Variants in FAT3 observed in about 807,000 individuals in gnomAD.
FAT3 encodes the protein FAT atypical cadherin 3.
Under a neutral mutation model 310.2 loss-of-function variants are expected in FAT3, and 95 were observed. The ratio of observed to expected loss-of-function variants is 0.31; its 90% confidence interval spans 0.26 to 0.36. The LOEUF (loss-of-function observed/expected upper bound fraction) is 0.36. Among genes scored for constraint, FAT3 ranks in the 10% least tolerant of loss-of-function variants. FAT3 has a pLI of 1.00. For synonymous variants in FAT3, 2,314 were observed against 2,192.9 expected, an observed-to-expected ratio of 1.06 and a Z score of -1.54; for missense variants, 5,408 against 5,715.6, an observed-to-expected ratio of 0.95 and a Z score of 1.74.
intron 21 of FAT3, among the ~76,000 whole-genome samples, chr11:92,861,538 A>G (rs1949123592): frequency 6.6e-6 from 1 of 152,222 alleles, no homozygotes; most frequent in Admixed American, 6.5e-5. Flanking sequence ...ATTCTAATAA[A>G]CTAGAGATGG....
intron 4 of FAT3, among the ~76,000 whole-genome samples, chr11:92,725,812 T>C (rs563501129): frequency 2.6e-5 from 4 of 152,298 alleles, no homozygotes; most frequent in Non-Finnish European, 5.9e-5. Context: ...AGAGACTCCT[T>C]TTCTATTGAG....
intron 13 of FAT3, among the ~76,000 whole-genome samples, chr11:92,829,986 G>T (rs1246057095): frequency 4.6e-5 from 7 of 151,824 alleles, no homozygotes; most frequent in Admixed American, 1.3e-4. Context: ...GCCAAATGAG[G>T]TGTTATAATA....
chr11:92,233,802 T>C (rs1479544367), intron 1 of FAT3, among the ~76,000 whole-genome samples: 2 of 152,240 alleles, frequency 1.3e-5, no homozygotes, highest in Admixed American at 6.5e-5. Flanking sequence ...TATACGATAA[T>C]TAGATAATCT....
chr11:92,568,354 A>G (rs1955549759), intron 3 of FAT3, among the ~76,000 whole-genome samples: 1 of 151,502 alleles, frequency 6.6e-6, no homozygotes, highest in African/African-American at 2.4e-5. Context: ...TACCAGGTGC[A>G]ATATTTGTAG....
chr11:92,637,771 A>G (rs1941819557), intron 3 of FAT3, among the ~76,000 whole-genome samples: 1 of 152,180 alleles, frequency 6.6e-6, no homozygotes, highest in Non-Finnish European at 1.5e-5. Flanking sequence ...GCTTTTGAAT[A>G]TGTATCCTAT....
chr11:92,352,912 A>G lies in FAT3; in HGVS notation c.800A>G (p.His267Arg). Reference sequence around the variant, plus strand: ...ATAAATGAACATGCCCCAACAATCCATGTAGTCACTCATGTTCCTTTCTCG... The same window carrying G: ...ATAAATGAACATGCCCCAACAATCCGTGTAGTCACTCATGTTCCTTTCTCG... ...ERINEHAPTI[H>R]VVTHVPFSLE... The change falls in exon 2 of 28, where the codon CAT (histidine) becomes CGT (arginine). Residue 267 changes from histidine to arginine, a missense_variant. His to Arg is a conservative substitution (Grantham distance 29, BLOSUM62 0). Around this residue, in one of 5 missense-constraint regions of FAT3, gnomAD observed 4,588 missense variants for 4,809.8 expected, o/e 0.95. Transcript: ENST00000525166. 1 of 1,613,932 alleles carries G rather than the reference A, an allele frequency of 6.2e-7. No individual in the cohort carries two copies. Among genetic ancestry groups the G allele is most frequent in the East Asian group, 2.2e-5 (1 of 44,874 alleles).
intron 2 of FAT3, among the ~76,000 whole-genome samples, chr11:92,434,251 T>G (rs958744803): frequency 9.9e-5 from 15 of 152,248 alleles, no homozygotes; most frequent in Admixed American, 5.9e-4. Context: ...CAGTGACCCC[T>G]AGCAAGGAGG....
At chr11:92,294,700 A>G (rs1946802869) in intron 1 of FAT3, among the ~76,000 whole-genome samples, 1 of 151,790 alleles carries the variant, frequency 6.6e-6, no homozygotes, top group African/African-American at 2.4e-5. Context: ...TCTATTGAAT[A>G]TCATCATGCT....
intron 1 of FAT3, among the ~76,000 whole-genome samples, chr11:92,293,913 G>C (rs577378164): frequency 1.1e-4 from 16 of 152,174 alleles, no homozygotes; most frequent in African/African-American, 3.8e-4. Context: ...AAAGCCACTT[G>C]CGTGCAAGTA....
At chr11:92,443,496 T>A (rs1240413711) in intron 2 of FAT3, among the ~76,000 whole-genome samples, 1 of 152,238 alleles carries the variant, frequency 6.6e-6, no homozygotes, top group Non-Finnish European at 1.5e-5. Flanking sequence ...GCCCTTGACT[T>A]GGCCATGAGA....
At chr11:92,695,764 G>A (rs935171915) in intron 3 of FAT3, among the ~76,000 whole-genome samples, 7 of 152,118 alleles carry the variant, frequency 4.6e-5, no homozygotes, top group East Asian at 1.9e-4. Flanking sequence ...TTTGTCTAGC[G>A]AGGAAATACT....
intron 2 of FAT3, among the ~76,000 whole-genome samples, chr11:92,485,627 A>G (rs1693208488): frequency 6.6e-6 from 1 of 152,182 alleles, no homozygotes; most frequent in African/African-American, 2.4e-5. Flanking sequence ...TATGTGAATG[A>G]AAATATTTGT....
At chr11:92,389,085 A>G (rs538038308) in intron 2 of FAT3, among the ~76,000 whole-genome samples, 4 of 152,292 alleles carry the variant, frequency 2.6e-5, no homozygotes, top group Non-Finnish European at 4.4e-5. Flanking sequence ...AACACATGAA[A>G]TCTTACATTT....
At chr11:92,301,704 G>T (rs1238368877) in intron 1 of FAT3, among the ~76,000 whole-genome samples, 3 of 152,004 alleles carry the variant, frequency 2.0e-5, no homozygotes, top group African/African-American at 7.2e-5. Flanking sequence ...GAGTGAGCTT[G>T]CAATTTGTTT....
At position 92,801,624 on chromosome 11, in the gene FAT3, A is replaced by G. The variant is rs763407210; in HGVS notation, c.8611A>G (p.Asn2871Asp). The G allele has an allele frequency of 6.2e-7, 1 of 1,613,720 alleles. No individual in the cohort carries two copies. Among genetic ancestry groups the G allele is most frequent in the Non-Finnish European group, 8.5e-7 (1 of 1,179,774 alleles). The change falls in exon 10 of 28, where the codon AAC becomes GAC. Residue 2871 changes from asparagine to aspartate, a missense_variant. Physicochemically the swap from Asn to Asp is conservative, Grantham distance 23. This residue lies in a region of FAT3 where 4,588 missense variants were observed against 4,809.8 expected (regional missense o/e 0.95). Coordinates refer to ENST00000525166, the MANE Select transcript of FAT3 (RefSeq NM_001367949.2). ...AATGGAAGCATTCAATATTGACAGC[A>G]ACACGGGCTGGATCAGTACCTTGAA... is the stretch of plus-strand genomic sequence containing the variant. ...KVMEAFNIDS[N>D]TGWISTLKDL...
intron 3 of FAT3, among the ~76,000 whole-genome samples, chr11:92,696,701 AG>A (rs908494953): frequency 3.9e-5 from 6 of 152,196 alleles, no homozygotes; most frequent in African/African-American, 1.2e-4. Flanking sequence ...GAGGCCTTGA[AG>A]GTTTTGTCTT....
intron 2 of FAT3, among the ~76,000 whole-genome samples, chr11:92,499,727 G>GTGTGTATGTGTGTGTGTGTA (rs1952878372): frequency 8.4e-6 from 1 of 118,374 alleles, no homozygotes; most frequent in African/African-American, 2.7e-5. Context: ...GTGTGTATGT[G>GTGTGTATGTGTGTGTGTGTA]TGTGTGTGTG....
chr11:92,637,215 T>C (rs1426278318), intron 3 of FAT3, among the ~76,000 whole-genome samples: 1 of 152,168 alleles, frequency 6.6e-6, no homozygotes, highest in Non-Finnish European at 1.5e-5. Flanking sequence ...AGAGAAGGAA[T>C]GACTGGAAAC....
intron 2 of FAT3, among the ~76,000 whole-genome samples, chr11:92,489,973 C>T (rs1026178444): frequency 3.3e-5 from 5 of 151,554 alleles, no homozygotes; most frequent in Admixed American, 2.0e-4. Flanking sequence ...AGATGTTTTC[C>T]CTCCCTACCC....
Sources: gnomAD v4.1 joint callset for allele counts (sites outside exome capture counted in the v4.1 genomes callset) on GRCh38, gnomAD v4.1.1 for gene constraint, gnomAD v4.1.1 regional missense constraint, MANE v1.5 for transcripts, NCBI Gene and HGNC (gene_info 2026-07-23, HGNC 2026-07-21) for gene names.